CPA6: variants seen among roughly 807,000 people sequenced by gnomAD.
CPA6 encodes the protein carboxypeptidase A6.
Under a neutral mutation model 63.3 loss-of-function variants are expected in CPA6, and 58 were observed. The ratio of observed to expected loss-of-function variants is 0.92; its 90% confidence interval spans 0.74 to 1.14. The LOEUF is 1.14. Among genes scored for constraint, CPA6 ranks in the 50% most tolerant of loss-of-function variants. The pLI is 0.00. For missense variants in CPA6, 565 were observed against 526.6 expected, an observed-to-expected ratio of 1.07 and a Z score of -0.71; for synonymous variants, 185 against 179.0, an observed-to-expected ratio of 1.03 and a Z score of -0.27.
chr8:67,665,509 T>C (rs1191382773), intron 1 of CPA6, among the ~76,000 whole-genome samples: 2 of 151,186 alleles, frequency 1.3e-5, no homozygotes, highest in African/African-American at 4.9e-5. Context: ...ATAACTATTC[T>C]GAAAATTCTT....
At chr8:67,456,846 C>A (rs1315967704) in intron 8 of CPA6, among the ~76,000 whole-genome samples, 2 of 152,152 alleles carry the variant, frequency 1.3e-5, no homozygotes, top group Non-Finnish European at 2.9e-5. Flanking sequence ...GATTTGAATA[C>A]CGGCAGAAGA....
intron 6 of CPA6, among the ~76,000 whole-genome samples, chr8:67,497,696 C>CTT (rs952967032): frequency 1.4e-5 from 2 of 144,926 alleles, no homozygotes; most frequent in African/African-American, 2.5e-5. Flanking sequence ...GTTTCCTCTA[C>CTT]TTTTTTTTTT....
intron 8 of CPA6, among the ~76,000 whole-genome samples, chr8:67,440,396 C>T (rs759991576): frequency 2.0e-5 from 3 of 152,032 alleles, no homozygotes; most frequent in Non-Finnish European, 4.4e-5. Context: ...CGTGGTAAAA[C>T]TCTGTCTCTA....
At chr8:67,628,521 C>T (rs1815244562) in intron 1 of CPA6, among the ~76,000 whole-genome samples, 1 of 152,236 alleles carries the variant, frequency 6.6e-6, no homozygotes, top group Non-Finnish European at 1.5e-5. Context: ...TCTCTTCCAA[C>T]TCCAAGCCTT....
At chr8:67,705,259 C>T (rs560538202) in intron 1 of CPA6, among the ~76,000 whole-genome samples, 1 of 152,110 alleles carries the variant, frequency 6.6e-6, no homozygotes, top group Non-Finnish European at 1.5e-5. Context: ...GGACAGAATC[C>T]CCACCCCCGA....
At chr8:67,739,655 C>T (rs1817876540) in intron 1 of CPA6, among the ~76,000 whole-genome samples, 1 of 152,148 alleles carries the variant, frequency 6.6e-6, no homozygotes. Context: ...CTCTCTACTT[C>T]TCTGATCTGA....
At position 67,654,212 on chromosome 8, in the gene CPA6, T is replaced by C. The variant is rs181084689; in HGVS notation, c.117-29961A>G. Among the ~76,000 whole-genome samples, 474 of 152,278 alleles carry C rather than the reference T, an allele frequency of 3.1e-3. 3 individuals carry two copies. The highest frequency in any genetic ancestry group is 0.011 in the African/African-American group (459 of 41,558). The stretch of plus-strand genomic sequence containing the variant: ...ATTGGTCTAAAATTCTCTTTTTTGG[T>C]TGTGTCTCTGCCAGGCTTTGGTATC... On this transcript the variant is annotated intron_variant, in intron 1 of 10. Coordinates refer to ENST00000297770, the MANE Select transcript of CPA6 (RefSeq NM_020361.5).
chr8:67,741,492 G>A (rs751000144), intron 1 of CPA6, among the ~76,000 whole-genome samples: 2 of 152,142 alleles, frequency 1.3e-5, no homozygotes, highest in African/African-American at 4.8e-5. Context: ...AAACCGGGCC[G>A]CACAGCAGGA....
chr8:67,560,654 C>A (rs10109630), intron 2 of CPA6, among the ~76,000 whole-genome samples: 4 of 152,088 alleles, frequency 2.6e-5, no homozygotes, highest in African/African-American at 9.7e-5. Context: ...TTGGAGGAAG[C>A]TGAGATTTGC....
At chr8:67,454,589 A>G (rs1409662905) in intron 8 of CPA6, among the ~76,000 whole-genome samples, 1 of 152,232 alleles carries the variant, frequency 6.6e-6, no homozygotes, top group African/African-American at 2.4e-5. Context: ...AGAATGTAAA[A>G]GTTATTAGTT....
chr8:67,663,119 G>A (rs1816153804), intron 1 of CPA6, among the ~76,000 whole-genome samples: 1 of 152,042 alleles, frequency 6.6e-6, no homozygotes, highest in Non-Finnish European at 1.5e-5. Flanking sequence ...TTCAGGACTT[G>A]AAAAATAAAA....
intron 5 of CPA6, among the ~76,000 whole-genome samples, chr8:67,508,041 G>T (rs1811968244): frequency 2.8e-5 from 4 of 142,226 alleles, no homozygotes; most frequent in Admixed American, 2.0e-4. Context: ...GTGTGTGTGT[G>T]TGTGTGTCTG....
At chr8:67,603,729 TC>T (rs2128983654) in intron 2 of CPA6, among the ~76,000 whole-genome samples, 1 of 152,324 alleles carries the variant, frequency 6.6e-6, no homozygotes, top group Admixed American at 6.5e-5. Flanking sequence ...CCATCTACCT[TC>T]CTTTTGAGCC....
chr8:67,576,553 C>T (rs1403449656), intron 2 of CPA6, among the ~76,000 whole-genome samples: 8 of 152,158 alleles, frequency 5.3e-5, no homozygotes, highest in South Asian at 2.1e-4. Context: ...TGGAATCATA[C>T]GTGCTCCACT....
chr8:67,573,891 C>CAAAAAAAA lies in CPA6; in HGVS notation c.192+50277_192+50284dup, dbSNP rs34145304. Among the ~76,000 whole-genome samples, 11 of 33,496 alleles carry CAAAAAAAA rather than the reference C, an allele frequency of 3.3e-4. 2 individuals carry two copies. The highest frequency in any genetic ancestry group is 1.0e-3 in the African/African-American group (9 of 8,844). 22.0% of individuals were successfully genotyped at this position (33,496 alleles called of 152,430 possible). On this transcript the variant is annotated intron_variant, in intron 2 of 10. Coordinates refer to ENST00000297770, the MANE Select transcript of CPA6 (RefSeq NM_020361.5). The stretch of plus-strand genomic sequence containing the variant: ...TGGGCGACAGAGCAAGACTCCGTCT[C>CAAAAAAAA]AAAAAAAAAAAAAAAAAAAAAAAAA...
intron 5 of CPA6, among the ~76,000 whole-genome samples, chr8:67,507,165 T>TTTAA (rs1243011878): frequency 2.6e-5 from 4 of 151,990 alleles, no homozygotes; most frequent in African/African-American, 9.7e-5. Context: ...ATTTTTTAAT[T>TTTAA]TTAATTAATT....
At chr8:67,654,410 A>G (rs1023077519) in intron 1 of CPA6, among the ~76,000 whole-genome samples, 4 of 152,142 alleles carry the variant, frequency 2.6e-5, no homozygotes, top group African/African-American at 9.7e-5. Flanking sequence ...GATTATTGCC[A>G]CAATTTCAGA....
chr8:67,637,981 TTGTGTG>T (rs3055710), intron 1 of CPA6, among the ~76,000 whole-genome samples: 25 of 146,672 alleles, frequency 1.7e-4, no homozygotes, highest in African/African-American at 5.5e-4. Flanking sequence ...GCTAGAAATT[TTGTGTG>T]TGTGTGTGTG....
intron 8 of CPA6, among the ~76,000 whole-genome samples, chr8:67,475,023 CA>C (rs1811143201): frequency 6.6e-6 from 1 of 152,036 alleles, no homozygotes; most frequent in Admixed American, 6.6e-5. Context: ...CCCAAAAAAC[CA>C]GTTCTTCCTA....
Sources: allele counts gnomAD v4.1 joint callset (sites outside exome capture counted in the v4.1 genomes callset), GRCh38; gene constraint gnomAD v4.1.1; transcripts MANE v1.5; gene names NCBI Gene and HGNC (gene_info 2026-07-23, HGNC 2026-07-21).